Variants in AOPEP observed in about 807,000 individuals in gnomAD.
The protein encoded by AOPEP is aminopeptidase O.
AOPEP carries 77 observed loss-of-function variants against 98.1 expected under a neutral mutation model. That is an observed-to-expected ratio of 0.78 (90% CI 0.65 to 0.95). The LOEUF is 0.95. Among genes scored for constraint, AOPEP ranks in the 40% least tolerant of loss-of-function variants. AOPEP has a pLI of 0.00. For synonymous variants in AOPEP, 346 were observed against 365.3 expected, an observed-to-expected ratio of 0.95 and a Z score of 0.60; for missense variants, 1,024 against 1,024.7, an observed-to-expected ratio of 1.00 and a Z score of 0.01.
At position 95,086,836 on chromosome 9, in the gene AOPEP, G is replaced by C. The variant is rs981552879; in HGVS notation, c.*159G>C. On this transcript the variant is annotated 3_prime_UTR_variant, in exon 17 of 17. Transcript: ENST00000375315. ...TTGGTGCTTCTCTTTCCCAGAGGCT[G>C]GTCCCAGCCAGGCACACACAAAAGG... 2.8e-5 allele frequency: 28 copies of C among 987,900 alleles called. No homozygotes were observed. Among genetic ancestry groups the C allele is most frequent in the South Asian group, 4.7e-5 (1 of 21,376 alleles). The allele number at this position is 987,900 out of a possible 1,614,324, so 61.2% of individuals were successfully genotyped here.
At chr9:94,966,862 A>G (rs146814466) in intron 9 of AOPEP, among the ~76,000 whole-genome samples, 43 of 152,358 alleles carry the variant, frequency 2.8e-4, no homozygotes, top group African/African-American at 1.0e-3. Context: ...GGGGGTCACA[A>G]TATTCACAGT....
the AOPEP span, chr9:95,126,725 C>T: frequency 2.5e-6 from 2 of 803,064 alleles, no homozygotes; most frequent in Non-Finnish European, 4.2e-6. Flanking sequence ...CGAACCACTG[C>T]TGTACTGAAA....
chr9:95,029,129 C>G (rs761861073), intron 13 of AOPEP, among the ~76,000 whole-genome samples: 1 of 152,144 alleles, frequency 6.6e-6, no homozygotes, highest in African/African-American at 2.4e-5. Context: ...GGATGTGGTC[C>G]TCTATACTTG....
chr9:94,852,187 C>A (rs192375133), intron 5 of AOPEP, among the ~76,000 whole-genome samples: 1 of 152,212 alleles, frequency 6.6e-6, no homozygotes, highest in East Asian at 1.9e-4. Flanking sequence ...ACCAGAGAAG[C>A]CTTTTAAAAA....
At position 94,800,864 on chromosome 9, in the gene AOPEP, CG is replaced by C; in HGVS notation, c.1229del (p.Gly410ValfsTer10). On this transcript the variant is annotated frameshift_variant, in exon 5 of 17. Coordinates refer to ENST00000375315, the MANE Select transcript of AOPEP (RefSeq NM_001193329.3). LOFTEE classifies it high-confidence loss of function. The stretch of plus-strand genomic sequence containing the variant: ...CGGGTCTTTGCCCCTGTGTGCCTCA[CG>C]GGTGCCTGCCAAGAGACCCTTCTGC... ...PHRVFAPVCL[T>X]GACQETLLRL... 2 of 1,614,194 alleles carry C rather than the reference CG, an allele frequency of 1.2e-6. No homozygotes were observed. Among genetic ancestry groups the C allele is most frequent in the Non-Finnish European group, 1.7e-6 (2 of 1,180,042 alleles).
intron 15 of AOPEP, among the ~76,000 whole-genome samples, chr9:95,081,664 A>G (rs1381698033): frequency 2.0e-5 from 3 of 152,246 alleles, no homozygotes; most frequent in East Asian, 1.9e-4. Flanking sequence ...ATACAGGAGT[A>G]TAAGAAGGAC....
chr9:94,931,073 C>T (rs577927449), intron 7 of AOPEP, among the ~76,000 whole-genome samples: 2 of 152,124 alleles, frequency 1.3e-5, no homozygotes, highest in South Asian at 4.1e-4. Flanking sequence ...GGGGTAGGGG[C>T]ATCTCAGTAA....
intron 13 of AOPEP, among the ~76,000 whole-genome samples, chr9:95,007,297 G>A (rs945494021): frequency 2.0e-5 from 3 of 151,724 alleles, no homozygotes; most frequent in Non-Finnish European, 4.4e-5. Flanking sequence ...ACTAGATGTT[G>A]TCACTACCAA....
intron 10 of AOPEP, among the ~76,000 whole-genome samples, chr9:94,975,854 C>T (rs1021219591): frequency 2.6e-5 from 4 of 152,222 alleles, no homozygotes; most frequent in East Asian, 1.9e-4. Flanking sequence ...CCGCAGGACC[C>T]GCTGTTTTCT....
chr9:95,024,046 T>C (rs920156828), intron 13 of AOPEP, among the ~76,000 whole-genome samples: 9 of 152,212 alleles, frequency 5.9e-5, no homozygotes, highest in African/African-American at 2.2e-4. Flanking sequence ...TGCTAAGGGC[T>C]GAAACTCCAC....
chr9:94,782,139 A>G (rs967079301), intron 3 of AOPEP, among the ~76,000 whole-genome samples: 6 of 151,812 alleles, frequency 4.0e-5, no homozygotes, highest in Admixed American at 6.6e-5. Flanking sequence ...GCAGTGAGCC[A>G]AGATCGTGCC....
intron 7 of AOPEP, among the ~76,000 whole-genome samples, chr9:94,929,059 A>G (rs542418184): frequency 1.2e-4 from 18 of 152,248 alleles, no homozygotes; most frequent in African/African-American, 4.3e-4. Context: ...TGGCATGTGC[A>G]GGATTATTTC....
chr9:94,990,666 C>A (rs1027049493), intron 11 of AOPEP, among the ~76,000 whole-genome samples: 2 of 151,674 alleles, frequency 1.3e-5, no homozygotes, highest in African/African-American at 4.9e-5. Context: ...TCACTGTCGC[C>A]CAGGCTGGAG....
chr9:95,019,909 A>G (rs2063319156), intron 13 of AOPEP: 1 of 152,224 alleles, frequency 6.6e-6, no homozygotes, highest in South Asian at 2.1e-4. Flanking sequence ...GAAAGCTACT[A>G]GAGGTCCTCC....
At chr9:94,933,085 C>T in intron 7 of AOPEP, 1 of 985,708 alleles carries the variant, frequency 1.0e-6, no homozygotes, top group Non-Finnish European at 1.2e-6. Flanking sequence ...GGGCAGAACT[C>T]TTCCCCAGGC....
intron 7 of AOPEP, among the ~76,000 whole-genome samples, chr9:94,948,367 T>C (rs993083588): frequency 2.6e-4 from 38 of 145,376 alleles, no homozygotes; most frequent in Admixed American, 1.3e-4. Context: ...ACTAGCTGCC[T>C]TGCAGAAGTC....
At chr9:95,123,666 C>T in the AOPEP span, 1 of 643,930 alleles carries the variant, frequency 1.6e-6, no homozygotes. Context: ...GAGGCTGCAG[C>T]AGTCAGGGAC....
chr9:94,773,099 C>G lies in AOPEP; in HGVS notation c.895C>G (p.Arg299Gly), dbSNP rs201770998. 4 of 1,614,108 alleles carry G rather than the reference C, an allele frequency of 2.5e-6. No homozygotes were observed. The South Asian group carries it at 3.3e-5, about 13-fold the overall frequency. The change falls in exon 3 of 17, where the codon CGA becomes GGA. Residue 299 changes from arginine (R) to glycine (G), a missense_variant. By Grantham distance (125) the Arg-to-Gly change is moderately radical. Transcript: ENST00000375315. ...CATGTCAACATGGCAGGCTACAGTTCGAGCAGCTGCATCTTTTGTTGTTTT... is the reference window on the plus strand; with the variant it reads ...CATGTCAACATGGCAGGCTACAGTTGGAGCAGCTGCATCTTTTGTTGTTTT... ...VAMSTWQATVRAAASFVVLMS... is the reference protein window; with the variant it reads ...VAMSTWQATVGAAASFVVLMS...
intron 1 of AOPEP, among the ~76,000 whole-genome samples, chr9:94,747,041 G>GGT (rs1564058953): frequency 7.0e-5 from 10 of 143,574 alleles, no homozygotes; most frequent in African/African-American, 5.1e-5. Context: ...ACTCCAGTGG[G>GGT]TTTTTTTTTT....
Sources: gnomAD v4.1 joint callset for allele counts (sites outside exome capture counted in the v4.1 genomes callset) on GRCh38, gnomAD v4.1.1 for gene constraint, MANE v1.5 for transcripts, NCBI Gene and HGNC (gene_info 2026-07-23, HGNC 2026-07-21) for gene names.